CACNA1D: variants seen among roughly 807,000 people sequenced by gnomAD.
CACNA1D encodes voltage-dependent L-type calcium channel subunit alpha-1D.
In CACNA1D, 55 loss-of-function variants were observed where a neutral mutation model predicts 257.1. The ratio of observed to expected loss-of-function variants is 0.21; its 90% confidence interval spans 0.17 to 0.27. CACNA1D has a LOEUF of 0.27. CACNA1D is among the 10% of genes least tolerant of loss of function. The probability of loss-of-function intolerance (pLI) is 1.00; values close to 1 mark genes in which losing one functional copy is unlikely to be tolerated. For synonymous variants in CACNA1D, 980 were observed against 1,014.9 expected (o/e 0.97, Z 0.65); for missense variants, 1,876 against 2,784.0 (o/e 0.67, Z 7.34).
intron 6 of CACNA1D, 119 bp from the exon 7 acceptor site, chr3:53,666,220 G>A (rs2094261236): frequency 1.1e-6 from 1 of 908,312 alleles, no homozygotes; most frequent in African/African-American, 1.6e-5. Context: ...AGGATCCTGA[G>A]GCAACGCAGA....
Position 53,561,317 on chromosome 3 carries a change from C to G in CACNA1D, c.483+59597C>G, listed in dbSNP as rs146701283. Among the ~76,000 whole-genome samples the G allele has an allele frequency of 2.4e-3, 365 of 152,324 alleles. 4 individuals carry two copies. The highest frequency in any genetic ancestry group is 8.1e-3 in the African/African-American group (337 of 41,566). On this transcript the variant is annotated intron_variant, in intron 3 of 47. Transcript: ENST00000350061. ...CCTTATACTTTAAGACTGCTGCGCT[C>G]TGGTCTGGACTTACTCATGAATTAT...
chr3:53,798,361 AC>A (rs2095518832), intron 40 of CACNA1D, among the ~76,000 whole-genome samples: 1 of 152,052 alleles, frequency 6.6e-6, no homozygotes, highest in African/African-American at 2.4e-5. Context: ...ACGTGCACGC[AC>A]GTGTATGCAC....
intron 29 of CACNA1D, among the ~76,000 whole-genome samples, chr3:53,754,899 A>C (rs1278921880): frequency 6.6e-6 from 1 of 152,234 alleles, no homozygotes; most frequent in Non-Finnish European, 1.5e-5. Context: ...ATTAATCTCT[A>C]TGCAATCTTT....
At chr3:53,804,841 A>T (rs747005075) in intron 44 of CACNA1D, 142 bp from the exon 45 acceptor site, 5 of 815,286 alleles carry the variant, frequency 6.1e-6, no homozygotes, top group Non-Finnish European at 1.0e-5. Context: ...ATCTTCCATG[A>T]AACTGAGGCC....
chr3:53,709,712 TAG>T (rs2094729690), intron 9 of CACNA1D, among the ~76,000 whole-genome samples: 1 of 152,188 alleles, frequency 6.6e-6, no homozygotes, highest in African/African-American at 2.4e-5. Context: ...TTAAAGATCC[TAG>T]AGTCATTTCT....
chr3:53,710,712 T>G (rs2108636641), intron 9 of CACNA1D, among the ~76,000 whole-genome samples: 1 of 135,422 alleles, frequency 7.4e-6, no homozygotes, highest in Middle Eastern at 3.7e-3. Flanking sequence ...CTGAACCAAC[T>G]CAAAAAATGT....
intron 15 of CACNA1D, among the ~76,000 whole-genome samples, chr3:53,729,547 C>T (rs2094968254): frequency 1.3e-5 from 2 of 152,188 alleles, no homozygotes; most frequent in African/African-American, 2.4e-5. Flanking sequence ...CAAAAACATG[C>T]TTCACTGCTA....
At chr3:53,582,030 T>C (rs902513249) in intron 3 of CACNA1D, among the ~76,000 whole-genome samples, 2 of 152,198 alleles carry the variant, frequency 1.3e-5, no homozygotes, top group African/African-American at 2.4e-5. Context: ...TTGTTTGTAC[T>C]GTATGCACAG....
intron 9 of CACNA1D, among the ~76,000 whole-genome samples, chr3:53,712,056 C>G (rs2094763043): frequency 6.6e-6 from 1 of 152,200 alleles, no homozygotes. Flanking sequence ...TAAAGACTGA[C>G]ATAGGAATAT....
At position 53,660,306 on chromosome 3, in the gene CACNA1D, G is replaced by A. The variant is rs767735989; in HGVS notation, c.766+31G>A. On this transcript the variant is annotated intron_variant, in intron 5 of 47. Transcript: ENST00000350061. ...CACTTATTGTTTCCTAGAGTCAGGA[G>A]TGTGCTGGTTTTTTCTTCCAGGTGG... 4 of 1,611,948 alleles carry A rather than the reference G, an allele frequency of 2.5e-6. No homozygotes were observed. In the African/African-American group the frequency reaches 5.3e-5, roughly 21 times the overall value.
chr3:53,567,381 T>G (rs2107669842), intron 3 of CACNA1D, among the ~76,000 whole-genome samples: 1 of 152,330 alleles, frequency 6.6e-6, no homozygotes, highest in Non-Finnish European at 1.5e-5. Context: ...TCCTGTGCTG[T>G]TGAACAAAAG....
intron 3 of CACNA1D, among the ~76,000 whole-genome samples, chr3:53,549,373 C>A (rs2092481643): frequency 6.6e-6 from 1 of 152,156 alleles, no homozygotes; most frequent in African/African-American, 2.4e-5. Flanking sequence ...GCCCTTGAGA[C>A]CGTGTGGATA....
intron 2 of CACNA1D, among the ~76,000 whole-genome samples, chr3:53,500,253 TAAA>T (rs55823212): frequency 7.3e-5 from 3 of 40,932 alleles, no homozygotes; most frequent in Non-Finnish European, 1.2e-4. Flanking sequence ...CTGTCTCTAC[TAAA>T]AAAAAAAAAA....
chr3:53,770,612 T>C, intron 32 of CACNA1D, 60 bp downstream of exon 32: 1 of 1,558,004 alleles, frequency 6.4e-7, no homozygotes, highest in Non-Finnish European at 8.8e-7. Context: ...AAGTCAGTGA[T>C]TGTCCCCATC....
intron 30 of CACNA1D, among the ~76,000 whole-genome samples, chr3:53,762,351 A>G (rs948876518): frequency 1.3e-5 from 2 of 152,180 alleles, no homozygotes; most frequent in African/African-American, 2.4e-5. Context: ...GTAAGATAGG[A>G]TGTCTCTAAT....
At chr3:53,718,527 C>G in intron 10 of CACNA1D, 139 bp downstream of exon 10, 1 of 1,024,818 alleles carries the variant, frequency 9.8e-7, no homozygotes, top group Non-Finnish European at 1.5e-6. Flanking sequence ...TCGTACCCCA[C>G]GCCACGCTTC....
At chr3:53,589,315 G>A (rs996511001) in intron 3 of CACNA1D, among the ~76,000 whole-genome samples, 3 of 152,172 alleles carry the variant, frequency 2.0e-5, no homozygotes, top group African/African-American at 7.2e-5. Flanking sequence ...AAGCTGGGAT[G>A]CTGAGTATGT....
intron 3 of CACNA1D, among the ~76,000 whole-genome samples, chr3:53,619,784 A>T (rs2093676341): frequency 6.6e-6 from 1 of 152,206 alleles, no homozygotes; most frequent in African/African-American, 2.4e-5. Context: ...ATACTGGGCA[A>T]GTGTAAAAGA....
intron 3 of CACNA1D, among the ~76,000 whole-genome samples, chr3:53,522,577 T>C (rs1332737396): frequency 2.6e-5 from 4 of 152,246 alleles, no homozygotes; most frequent in Non-Finnish European, 4.4e-5. Context: ...TAAAAGTGAA[T>C]GCTGAATGAG....
Sources: allele counts gnomAD v4.1 joint callset (sites outside exome capture counted in the v4.1 genomes callset), GRCh38; gene constraint gnomAD v4.1.1; transcripts MANE v1.5; gene names NCBI Gene and HGNC (gene_info 2026-07-23, HGNC 2026-07-21).